Variants in FNDC3B observed in about 807,000 individuals in gnomAD.
FNDC3B encodes fibronectin type III domain-containing protein 3B.
FNDC3B carries 12 observed loss-of-function variants against 151.5 expected under a neutral mutation model. That is an observed-to-expected ratio of 0.08 (90% CI 0.05 to 0.13). The LOEUF (loss-of-function observed/expected upper bound fraction) is 0.13, where lower values mean the gene tolerates loss of function less well. Among genes scored for constraint, FNDC3B ranks in the 10% least tolerant of loss-of-function variants. The pLI is 1.00. For missense variants in FNDC3B, 1,214 were observed against 1,505.3 expected (o/e 0.81, Z 3.20); for synonymous variants, 528 against 549.0 (o/e 0.96, Z 0.54).
At chr3:172,283,975 A>G (rs1729875152) in intron 6 of FNDC3B, among the ~76,000 whole-genome samples, 1 of 152,158 alleles carries the variant, frequency 6.6e-6, no homozygotes, top group Non-Finnish European at 1.5e-5. Context: ...TGTATTTCTC[A>G]CCAGACTAAA....
intron 7 of FNDC3B, among the ~76,000 whole-genome samples, chr3:172,289,803 C>T (rs1004056689): frequency 9.2e-5 from 14 of 152,324 alleles, no homozygotes; most frequent in Non-Finnish European, 1.0e-4. Flanking sequence ...AAGGCCTGTG[C>T]TTTGCAATCT....
At chr3:172,134,250 G>A in intron 3 of FNDC3B, 1 of 457,032 alleles carries the variant, frequency 2.2e-6, no homozygotes, top group South Asian at 1.5e-5. Context: ...GTATACTAAT[G>A]CCTCTTCTGT....
chr3:172,360,735 G>T (rs1734314655), intron 22 of FNDC3B, among the ~76,000 whole-genome samples: 1 of 151,978 alleles, frequency 6.6e-6, no homozygotes, highest in South Asian at 2.1e-4. Flanking sequence ...AAGTCAATTG[G>T]CCCCATTTGT....
chr3:172,052,164 A>AGCCTCC (rs1436204416), intron 1 of FNDC3B, among the ~76,000 whole-genome samples: 1 of 149,894 alleles, frequency 6.7e-6, no homozygotes, highest in Non-Finnish European at 1.5e-5. Context: ...TGCTTACTGC[A>AGCCTCC]GCCTCCGCCT....
intron 23 of FNDC3B, among the ~76,000 whole-genome samples, chr3:172,368,376 A>G (rs1734731168): frequency 6.6e-6 from 1 of 152,088 alleles, no homozygotes; most frequent in East Asian, 1.9e-4. Flanking sequence ...CATTTATCAG[A>G]CCATGTTGCC....
intron 11 of FNDC3B, among the ~76,000 whole-genome samples, chr3:172,327,909 A>G (rs1441060538): frequency 1.3e-5 from 2 of 152,234 alleles, no homozygotes; most frequent in Non-Finnish European, 2.9e-5. Flanking sequence ...CACATTGCTC[A>G]AGGCCCTGGG....
chr3:172,396,042 A>G (rs1736259995), intron 25 of FNDC3B, among the ~76,000 whole-genome samples: 1 of 152,206 alleles, frequency 6.6e-6, no homozygotes, highest in African/African-American at 2.4e-5. Flanking sequence ...CCTTGTATTT[A>G]CCCAGAAAAA....
rs566724849 is a variant in FNDC3B at position 172,343,962 on chromosome 3, T to C, written c.2078-124T>C. 7.5e-4 allele frequency: 588 copies of C among 780,258 alleles called. 4 individuals carry two copies. In the African/African-American group the frequency reaches 9.0e-3, roughly 12 times the overall value. The allele number at this position is 780,258 out of a possible 1,614,324, so 48.3% of individuals were successfully genotyped here. On this transcript the variant is annotated intron_variant, in intron 18 of 25. Transcript: ENST00000415807. ...CTTTTTTGGTGGGCATGGATTCTTT[T>C]GTAAGGGAGATACTGAGGCCGGCCA...
At chr3:172,312,624 G>C (rs1255826993) in intron 11 of FNDC3B, among the ~76,000 whole-genome samples, 1 of 151,666 alleles carries the variant, frequency 6.6e-6, no homozygotes, top group Non-Finnish European at 1.5e-5. Context: ...ATCTTCTTAG[G>C]GCACTGTGTG....
At chr3:172,181,332 T>C (rs1203983599) in intron 3 of FNDC3B, among the ~76,000 whole-genome samples, 1 of 129,732 alleles carries the variant, frequency 7.7e-6, no homozygotes, top group Non-Finnish European at 1.5e-5. Flanking sequence ...AAGTCAAGGG[T>C]GCAGTGAGCT....
intron 1 of FNDC3B, among the ~76,000 whole-genome samples, chr3:172,055,377 AC>A (rs1716862290): frequency 6.6e-6 from 1 of 152,044 alleles, no homozygotes; most frequent in Admixed American, 6.5e-5. Context: ...TCTTATTGAC[AC>A]CCGTGGCAAT....
chr3:172,264,907 G>C lies in FNDC3B; in HGVS notation c.790+13366G>C, dbSNP rs779134423. 2.6e-5 allele frequency among the ~76,000 whole-genome samples: 4 copies of C among 152,188 alleles called. 1 individual carries two copies. Among genetic ancestry groups the C allele is most frequent in the Admixed American group, 6.5e-5 (1 of 15,276 alleles). ...ATAAGGGTGCATGGTCCAGTTGCTA[G>C]ATTGTCCTTGTCATCTTATTTCCAT... On this transcript the variant is annotated intron_variant, in intron 6 of 25. Coordinates refer to ENST00000415807, the MANE Select transcript of FNDC3B (RefSeq NM_022763.4).
intron 3 of FNDC3B, among the ~76,000 whole-genome samples, chr3:172,158,466 A>G (rs1297952948): frequency 5.9e-5 from 9 of 152,098 alleles, no homozygotes; most frequent in Admixed American, 5.9e-4. Context: ...CTTTGATGAA[A>G]TGTCCTTGTT....
chr3:172,269,710 T>C (rs912449369), intron 6 of FNDC3B, among the ~76,000 whole-genome samples: 4 of 152,156 alleles, frequency 2.6e-5, no homozygotes, highest in Non-Finnish European at 5.9e-5. Context: ...AGTGGCACAG[T>C]CTCGACTCAC....
chr3:172,187,710 G>A (rs962731396), intron 3 of FNDC3B, among the ~76,000 whole-genome samples: 6 of 152,124 alleles, frequency 3.9e-5, no homozygotes, highest in African/African-American at 1.2e-4. Context: ...GCTAGAGTGT[G>A]GTGGTGCCAT....
intron 11 of FNDC3B, among the ~76,000 whole-genome samples, chr3:172,314,914 A>C (rs1731702823): frequency 6.6e-6 from 1 of 152,212 alleles, no homozygotes; most frequent in Non-Finnish European, 1.5e-5. Flanking sequence ...CACTGTCATT[A>C]ATTTTGCATC....
At position 172,286,979 on chromosome 3, in the gene FNDC3B, A is replaced by G. The variant is rs141046630; in HGVS notation, c.849+995A>G. On this transcript the variant is annotated intron_variant, in intron 7 of 25. Transcript: ENST00000415807. ...ATCTGTGTGGCAGGCAGCAGGGGAC[A>G]GATACAAGAGCCATTCCAGAGATAG... 2.8e-4 allele frequency among the ~76,000 whole-genome samples: 43 copies of G among 152,338 alleles called. No individual in the cohort carries two copies. The East Asian group carries it at 6.9e-3, about 25-fold the overall frequency.
chr3:172,131,304 A>C (rs1721085753), intron 2 of FNDC3B, among the ~76,000 whole-genome samples: 1 of 151,938 alleles, frequency 6.6e-6, no homozygotes, highest in Non-Finnish European at 1.5e-5. Flanking sequence ...GAGGCAGGCG[A>C]ATTGCTTGAA....
intron 3 of FNDC3B, among the ~76,000 whole-genome samples, chr3:172,216,229 T>C (rs1725969781): frequency 6.6e-6 from 1 of 152,180 alleles, no homozygotes; most frequent in Admixed American, 6.5e-5. Context: ...TATTATTGAG[T>C]TGCATTTGTA....
Sources: gnomAD v4.1 joint callset for allele counts (sites outside exome capture counted in the v4.1 genomes callset) on GRCh38, gnomAD v4.1.1 for gene constraint, MANE v1.5 for transcripts, NCBI Gene and HGNC (gene_info 2026-07-23, HGNC 2026-07-21) for gene names.